Variants in DRC8 observed in about 807,000 individuals in gnomAD.
DRC8 encodes dynein regulatory complex subunit 8.
At chr1:245,100,773 C>A in the DRC8 span, among the ~76,000 whole-genome samples, 4 of 150,366 alleles carry the variant, frequency 2.7e-5, no homozygotes, top group Non-Finnish European at 5.9e-5. Flanking sequence ...TAGAGTGAGA[C>A]CCTGTCTCAA....
At chr1:245,037,650 G>A in the DRC8 span, among the ~76,000 whole-genome samples, 12 of 152,222 alleles carry the variant, frequency 7.9e-5, no homozygotes, top group Middle Eastern at 0.014. Context: ...TAACAGACAC[G>A]TAAGTATTTG....
chr1:245,051,020 C>T, the DRC8 span, among the ~76,000 whole-genome samples: 3 of 152,228 alleles, frequency 2.0e-5, no homozygotes, highest in African/African-American at 7.2e-5. Context: ...GCATGCGCCA[C>T]CATACCCCAA....
At chr1:245,058,802 T>G in the DRC8 span, among the ~76,000 whole-genome samples, 1 of 152,206 alleles carries the variant, frequency 6.6e-6, no homozygotes, top group South Asian at 2.1e-4. Context: ...GAGATGTGCT[T>G]TGTATTATGA....
At chr1:245,052,842 G>C in the DRC8 span, among the ~76,000 whole-genome samples, 1 of 152,236 alleles carries the variant, frequency 6.6e-6, no homozygotes, top group Non-Finnish European at 1.5e-5. Flanking sequence ...AGCTCAGACT[G>C]TCTCTTTTCT....
chr1:245,063,249 C>T, the DRC8 span, among the ~76,000 whole-genome samples: 3 of 152,134 alleles, frequency 2.0e-5, no homozygotes, highest in Non-Finnish European at 2.9e-5. Flanking sequence ...GTCTCACCCT[C>T]GCAGCAAGGG....
At chr1:245,039,258 C>T in the DRC8 span, among the ~76,000 whole-genome samples, 2 of 106,444 alleles carry the variant, frequency 1.9e-5, no homozygotes, top group African/African-American at 7.2e-5. Flanking sequence ...AATGCAAAAA[C>T]ATAGTACCCA....
chr1:245,106,993 A>G, the DRC8 span, among the ~76,000 whole-genome samples: 2 of 152,216 alleles, frequency 1.3e-5, no homozygotes, highest in Non-Finnish European at 2.9e-5. Flanking sequence ...GCAGTGAGCC[A>G]AGATTGCGCC....
chr1:244,996,574 G>A, the DRC8 span, among the ~76,000 whole-genome samples: 2 of 152,148 alleles, frequency 1.3e-5, no homozygotes, highest in African/African-American at 4.8e-5. Context: ...GTCACATGTT[G>A]TTGATTTGGC....
At chr1:245,112,211 A>T in the DRC8 span, among the ~76,000 whole-genome samples, 1 of 152,188 alleles carries the variant, frequency 6.6e-6, no homozygotes, top group Non-Finnish European at 1.5e-5. Context: ...AGTAGCTGGG[A>T]TTACAGGCGC....
chr1:245,004,008 C>CTATTGGTGG, the DRC8 span, among the ~76,000 whole-genome samples: 1 of 152,012 alleles, frequency 6.6e-6, no homozygotes, highest in Non-Finnish European at 1.5e-5. Context: ...GCATGTGCCA[C>CTATTGGTGG]CTTCGAGTTT....
the DRC8 span, among the ~76,000 whole-genome samples, chr1:244,982,861 G>A: frequency 6.6e-5 from 10 of 151,932 alleles, no homozygotes; most frequent in East Asian, 5.8e-4. Context: ...TCAGGAGATC[G>A]AGACCAGCCT....
the DRC8 span, chr1:245,017,248 T>C: frequency 1.2e-6 from 2 of 1,605,746 alleles, no homozygotes; most frequent in Non-Finnish European, 1.7e-6. Flanking sequence ...GCAGAGATAA[T>C]AGTAGCAGAA....
At chr1:245,115,913 G>GTC in the DRC8 span, among the ~76,000 whole-genome samples, 2 of 149,492 alleles carry the variant, frequency 1.3e-5, no homozygotes, top group South Asian at 4.2e-4. Context: ...TTGAGACAGG[G>GTC]TCTCACTCTG....
At chr1:245,026,779 C>T in the DRC8 span, among the ~76,000 whole-genome samples, 11 of 152,168 alleles carry the variant, frequency 7.2e-5, no homozygotes, top group African/African-American at 1.2e-4. Flanking sequence ...TACAAAAGGA[C>T]GGAAACATAG....
the DRC8 span, chr1:244,969,707 A>C: frequency 5.5e-6 from 1 of 180,978 alleles, no homozygotes. Flanking sequence ...CAATAGTCGA[A>C]TGGCTCTGGT....
the DRC8 span, among the ~76,000 whole-genome samples, chr1:245,054,052 C>T: frequency 1.3e-5 from 2 of 152,166 alleles, no homozygotes; most frequent in African/African-American, 4.8e-5. Flanking sequence ...AAAATATGCT[C>T]ACATCATTCA....
the DRC8 span, among the ~76,000 whole-genome samples, chr1:245,075,024 T>C: frequency 6.6e-6 from 1 of 152,262 alleles, no homozygotes; most frequent in Admixed American, 6.5e-5. Flanking sequence ...CCATCTTAAC[T>C]ACTGACATTA....
the DRC8 span, among the ~76,000 whole-genome samples, chr1:245,115,187 C>T: frequency 6.6e-6 from 1 of 151,970 alleles, no homozygotes. Context: ...GTAGCTAAGA[C>T]TATAGGCACG....
the DRC8 span, chr1:244,970,430 G>T: frequency 6.5e-7 from 1 of 1,535,178 alleles, no homozygotes; most frequent in Admixed American, 2.0e-5. Flanking sequence ...TGGCGGACGA[G>T]AAGGACAGGG....
Sources: allele counts gnomAD v4.1 joint callset (sites outside exome capture counted in the v4.1 genomes callset), GRCh38; gene constraint gnomAD v4.1.1; transcripts MANE v1.5; gene names NCBI Gene and HGNC (gene_info 2026-07-23, HGNC 2026-07-21).